DTD1: variants seen among roughly 807,000 people sequenced by gnomAD.
DTD1 encodes D-tyrosyl-tRNA deacylase 1 homolog.
Under a neutral mutation model 25.6 loss-of-function variants are expected in DTD1, and 13 were observed. The ratio of observed to expected loss-of-function variants is 0.51; its 90% confidence interval spans 0.33 to 0.81. The LOEUF (loss-of-function observed/expected upper bound fraction) is 0.81, where lower values mean the gene tolerates loss of function less well. Among genes scored for constraint, DTD1 ranks in the 30% least tolerant of loss-of-function variants. The pLI is 0.02. For missense variants in DTD1, 193 were observed against 266.4 expected, an observed-to-expected ratio of 0.72 and a Z score of 1.92; for synonymous variants, 110 against 103.6, an observed-to-expected ratio of 1.06 and a Z score of -0.37.
At chr20:18,757,937 C>T (rs1036160258) in intron 5 of DTD1, among the ~76,000 whole-genome samples, 7 of 152,124 alleles carry the variant, frequency 4.6e-5, no homozygotes, top group African/African-American at 7.2e-5. Context: ...TAATTATTGC[C>T]TCAATTTCAG....
intron 5 of DTD1, 49 bp downstream of exon 5, chr20:18,744,320 G>A: frequency 6.3e-7 from 1 of 1,580,978 alleles, no homozygotes. Context: ...TGGGGAAGCA[G>A]CAATGAATAG....
In DTD1 at chr20:18,723,182, A is replaced by G. The variant is rs1179891106; in HGVS notation, c.478-20918A>G. 2.0e-5 allele frequency among the ~76,000 whole-genome samples: 3 copies of G among 152,178 alleles called. No homozygotes were observed. The East Asian group carries it at 5.8e-4, about 29-fold the overall frequency. ...TCAGCAGCATCTCTGGCCTCTGCCC[A>G]CTGGGTACCAGTAGTGTGCCCCCAC... On this transcript the variant is annotated intron_variant, in intron 4 of 5. Transcript: ENST00000377452.
chr20:18,760,494 G>A (rs1299973695), intron 5 of DTD1, among the ~76,000 whole-genome samples: 2 of 152,170 alleles, frequency 1.3e-5, no homozygotes, highest in Admixed American at 1.3e-4. Context: ...GTTTGCTGGA[G>A]GTCCACTCCA....
intron 4 of DTD1, among the ~76,000 whole-genome samples, chr20:18,682,402 T>A (rs1388481117): frequency 6.6e-6 from 1 of 152,246 alleles, no homozygotes. Context: ...GGGCACAGTA[T>A]CTATTGTTTT....
At chr20:18,681,259 C>T (rs1018890070) in intron 4 of DTD1, among the ~76,000 whole-genome samples, 1 of 152,202 alleles carries the variant, frequency 6.6e-6, no homozygotes, top group African/African-American at 2.4e-5. Context: ...GCTGAGCTGT[C>T]TGTCCATTTG....
intron 4 of DTD1, among the ~76,000 whole-genome samples, chr20:18,664,246 A>T (rs765141954): frequency 1.1e-4 from 16 of 152,286 alleles, no homozygotes; most frequent in Non-Finnish European, 2.1e-4. Context: ...CATGTTGTGT[A>T]TGTCCTTTTC....
chr20:18,706,276 T>C (rs921128384), intron 4 of DTD1, among the ~76,000 whole-genome samples: 37 of 152,222 alleles, frequency 2.4e-4, no homozygotes, highest in African/African-American at 7.2e-5. Flanking sequence ...GTGTTCATGG[T>C]ACCAGATTTG....
intron 3 of DTD1, among the ~76,000 whole-genome samples, chr20:18,624,782 G>A (rs1217743846): frequency 1.3e-5 from 2 of 152,280 alleles, no homozygotes; most frequent in African/African-American, 4.8e-5. Flanking sequence ...CCTTGCCTTG[G>A]ATCTCCTGTT....
intron 3 of DTD1, among the ~76,000 whole-genome samples, chr20:18,597,162 TGTGTGTG>T (rs1448824602): frequency 1.3e-4 from 4 of 30,008 alleles, no homozygotes; most frequent in Non-Finnish European, 4.8e-4. Flanking sequence ...AAAGTGTGTG[TGTGTGTG>T]TGTGTGTGTG....
In DTD1 at chr20:18,588,197, C is replaced by T. The variant is rs1375827528; in HGVS notation, c.43+82C>T. On this transcript the variant is annotated intron_variant, in intron 1 of 5. Transcript: ENST00000377452. ...GTCTTGCGTGGGGGGTCTTCCTGCG[C>T]CATCCTTGGGGCCGCTGCGGCCCCT... 81 of 1,174,586 alleles carry T rather than the reference C, an allele frequency of 6.9e-5. 1 individual carries two copies. The highest frequency in any genetic ancestry group is 3.2e-6 in the Non-Finnish European group (3 of 938,206). 72.8% of individuals were successfully genotyped at this position (1,174,586 alleles called of 1,614,324 possible).
chr20:18,597,219 A>G (rs1055674816), intron 3 of DTD1, among the ~76,000 whole-genome samples: 1 of 149,998 alleles, frequency 6.7e-6, no homozygotes, highest in African/African-American at 2.5e-5. Context: ...AAGGAGCTAT[A>G]GATGGTGTTT....
In DTD1 at chr20:18,708,252, T is replaced by TA. The variant is rs1555801971; in HGVS notation, c.478-35848_478-35847insA. Among the ~76,000 whole-genome samples the TA allele has an allele frequency of 2.5e-3, 78 of 31,772 alleles. 5 individuals are homozygous for TA. The highest frequency in any genetic ancestry group is 8.1e-3 in the Admixed American group (14 of 1,722). The allele number at this position is 31,772 out of a possible 152,430, so 20.8% of individuals were successfully genotyped here. On this transcript the variant is annotated intron_variant, in intron 4 of 5. Transcript: ENST00000377452. ...ATATTTTATATATATATAATATATA[T>TA]TATATATATATTTTATATATATATA...
At chr20:18,700,714 G>A (rs927080335) in intron 4 of DTD1, among the ~76,000 whole-genome samples, 1 of 152,148 alleles carries the variant, frequency 6.6e-6, no homozygotes, top group East Asian at 1.9e-4. Context: ...CATGGTGGAG[G>A]TGGCAGTCAG....
At chr20:18,754,061 A>C (rs1431542764) in intron 5 of DTD1, among the ~76,000 whole-genome samples, 2 of 152,214 alleles carry the variant, frequency 1.3e-5, no homozygotes, top group East Asian at 3.8e-4. Context: ...ATAGGTAAAA[A>C]AAAAAAATCT....
At chr20:18,616,749 G>A (rs920751017) in intron 3 of DTD1, among the ~76,000 whole-genome samples, 2 of 152,252 alleles carry the variant, frequency 1.3e-5, no homozygotes, top group Non-Finnish European at 2.9e-5. Context: ...CAAGGCAGCA[G>A]CAAGCTATGA....
intron 3 of DTD1, among the ~76,000 whole-genome samples, chr20:18,598,873 C>T (rs77738040): frequency 0.046 from 6,934 of 152,028 alleles, 273 homozygotes; most frequent in African/African-American, 0.1. Flanking sequence ...GTCTCTCTTC[C>T]CTAACTCCTG....
At chr20:18,695,558 T>TG (rs2122447241) in intron 4 of DTD1, among the ~76,000 whole-genome samples, 1 of 24,134 alleles carries the variant, frequency 4.1e-5, no homozygotes, top group Non-Finnish European at 8.2e-5. Context: ...TCCCTTCCCT[T>TG]CTCTTCCCCT....
At chr20:18,696,246 A>G (rs889285776) in intron 4 of DTD1, among the ~76,000 whole-genome samples, 2 of 150,510 alleles carry the variant, frequency 1.3e-5, no homozygotes, top group African/African-American at 4.9e-5. Context: ...GTATTCCCCC[A>G]CCTCTCAGAC....
intron 4 of DTD1, among the ~76,000 whole-genome samples, chr20:18,713,746 A>G (rs1458414308): frequency 6.6e-6 from 1 of 152,094 alleles, no homozygotes; most frequent in South Asian, 2.1e-4. Flanking sequence ...CTCTGCTCAT[A>G]TAGTTATCCC....
Sources: allele counts gnomAD v4.1 joint callset (sites outside exome capture counted in the v4.1 genomes callset), GRCh38; gene constraint gnomAD v4.1.1; transcripts MANE v1.5; gene names NCBI Gene and HGNC (gene_info 2026-07-23, HGNC 2026-07-21).